ARHGAP22: variants seen among roughly 807,000 people sequenced by gnomAD.
ARHGAP22 encodes the protein rho GTPase-activating protein 22.
A neutral mutation model predicts 59.1 loss-of-function variants in ARHGAP22; 48 were observed. That is an observed-to-expected ratio of 0.81 (90% CI 0.64 to 1.03). ARHGAP22 has a LOEUF of 1.03. Ranked by LOEUF, ARHGAP22 falls within the 50% of genes least tolerant of loss-of-function variation. The pLI is 0.00. For missense variants in ARHGAP22, 1,015 were observed against 958.7 expected (o/e 1.06, Z -0.78); for synonymous variants, 445 against 416.4 (o/e 1.07, Z -0.84).
chr10:48,463,381 C>A (rs1262342852), intron 4 of ARHGAP22, among the ~76,000 whole-genome samples: 1 of 152,170 alleles, frequency 6.6e-6, no homozygotes, highest in East Asian at 1.9e-4. Context: ...CCTCTCAGGA[C>A]CAGAGGCCTC....
intron 3 of ARHGAP22, among the ~76,000 whole-genome samples, chr10:48,532,197 C>T (rs2054912423): frequency 6.6e-6 from 1 of 152,190 alleles, no homozygotes; most frequent in Non-Finnish European, 1.5e-5. Context: ...CAAGATCACA[C>T]AGCTGGTGGG....
chr10:48,439,712 C>G, the ARHGAP22 span, among the ~76,000 whole-genome samples: 4 of 152,162 alleles, frequency 2.6e-5, no homozygotes, highest in Non-Finnish European at 5.9e-5. Flanking sequence ...GAGGTTTTAG[C>G]TTTGACTGTT....
chr10:48,509,228 C>G (rs1465370651), intron 3 of ARHGAP22, among the ~76,000 whole-genome samples: 2 of 152,164 alleles, frequency 1.3e-5, no homozygotes, highest in Non-Finnish European at 2.9e-5. Flanking sequence ...GCTGGCGAGC[C>G]TGGCGCAGGA....
At chr10:48,445,898 G>A (rs566173453), downstream of ARHGAP22, 68 of 161,494 alleles carry the variant, frequency 4.2e-4, no homozygotes, top group African/African-American at 1.5e-3. Flanking sequence ...GGGGCTTCAC[G>A]TCCCACTTCA....
chr10:48,593,811 A>G (rs950924391), intron 1 of ARHGAP22, among the ~76,000 whole-genome samples: 14 of 152,268 alleles, frequency 9.2e-5, no homozygotes, highest in Admixed American at 6.5e-4. Context: ...AAAAGGAAAG[A>G]AAAACAAAAA....
intron 2 of ARHGAP22, among the ~76,000 whole-genome samples, chr10:48,557,451 A>G (rs933138481): frequency 6.6e-5 from 10 of 152,064 alleles, no homozygotes; most frequent in African/African-American, 2.4e-4. Flanking sequence ...TCTTTGCCTA[A>G]ATTACTGGAT....
At chr10:48,512,139 AC>A (rs912426774) in intron 3 of ARHGAP22, among the ~76,000 whole-genome samples, 1 of 152,270 alleles carries the variant, frequency 6.6e-6, no homozygotes, top group African/African-American at 2.4e-5. Flanking sequence ...AACTGGATTG[AC>A]TAGGGGATGT....
intron 2 of ARHGAP22, among the ~76,000 whole-genome samples, chr10:48,576,251 A>G (rs2058704929): frequency 6.6e-6 from 1 of 152,172 alleles, no homozygotes; most frequent in Admixed American, 6.5e-5. Context: ...AAGAACCTCC[A>G]ATATGCCAGG....
chr10:48,457,523 G>A (rs2046664556), intron 5 of ARHGAP22, among the ~76,000 whole-genome samples: 1 of 152,204 alleles, frequency 6.6e-6, no homozygotes, highest in South Asian at 2.1e-4. Context: ...TCAAAGGATA[G>A]CAGCTGAGGG....
chr10:48,600,681 G>T (rs2060328743), intron 1 of ARHGAP22, among the ~76,000 whole-genome samples: 1 of 152,140 alleles, frequency 6.6e-6, no homozygotes. Context: ...TGATCTGAGG[G>T]CCTCTGCAAC....
chr10:48,509,724 C>T (rs1447936740), intron 3 of ARHGAP22, among the ~76,000 whole-genome samples: 1 of 152,144 alleles, frequency 6.6e-6, no homozygotes, highest in Non-Finnish European at 1.5e-5. Flanking sequence ...AAAGGAGAGG[C>T]TCTCTGAATA....
In ARHGAP22 at chr10:48,583,155, GA is replaced by G; in HGVS notation, c.35-4del. 6.2e-7 allele frequency: 1 copy of G among 1,613,168 alleles called. No individual in the cohort carries two copies. Reference sequence around the variant, plus strand: ...CATCACTAGGCTTTTGGAGCGGGCTGAAAGCCAAGGACACACAGAGTGAGCA... The same window carrying G: ...CATCACTAGGCTTTTGGAGCGGGCTGAAGCCAAGGACACACAGAGTGAGCA... On this transcript the variant is annotated splice_region_variant and splice_polypyrimidine_tract_variant and intron_variant, in intron 1 of 9. Coordinates refer to ENST00000249601, the MANE Select transcript of ARHGAP22 (RefSeq NM_021226.4).
chr10:48,501,095 G>A (rs1281658476), intron 3 of ARHGAP22, among the ~76,000 whole-genome samples: 1 of 152,134 alleles, frequency 6.6e-6, no homozygotes, highest in African/African-American at 2.4e-5. Context: ...ATGGCAAAAG[G>A]AGAGGGCCCA....
At chr10:48,512,632 C>T (rs1026831526) in intron 3 of ARHGAP22, among the ~76,000 whole-genome samples, 2 of 152,156 alleles carry the variant, frequency 1.3e-5, no homozygotes, top group African/African-American at 4.8e-5. Context: ...TTAACTCTTC[C>T]CTTAACACAA....
upstream of ARHGAP22, among the ~76,000 whole-genome samples, chr10:48,653,704 G>T (rs1429609894): frequency 6.6e-6 from 1 of 152,242 alleles, no homozygotes; most frequent in African/African-American, 2.4e-5. Context: ...GCTGATAAGA[G>T]CCCACAGGTA....
At chr10:48,576,901 A>C (rs543764416) in intron 2 of ARHGAP22, among the ~76,000 whole-genome samples, 90 of 135,688 alleles carry the variant, frequency 6.6e-4, no homozygotes, top group African/African-American at 1.8e-3. Context: ...CCACTCACCC[A>C]TCCCTCCCCA....
chr10:48,573,287 TC>T (rs1052215881), intron 2 of ARHGAP22, among the ~76,000 whole-genome samples: 16 of 152,182 alleles, frequency 1.1e-4, no homozygotes, highest in Non-Finnish European at 1.8e-4. Context: ...CTCACCATAG[TC>T]CTATAAGATA....
rs1342087980 is a variant in ARHGAP22, at chr10:48,576,776, T to TA, written c.234+6176dup. ...TTCTTTTCTATCTTTCTCCTTTTTT[T>TA]AAGATATTTATTTCTAATTAGTATG... is the stretch of plus-strand genomic sequence containing the variant. On this transcript the variant is annotated intron_variant, in intron 2 of 9. Coordinates refer to ENST00000249601, the MANE Select transcript of ARHGAP22 (RefSeq NM_021226.4). 2.0e-5 allele frequency among the ~76,000 whole-genome samples: 3 copies of TA among 151,910 alleles called. No individual in the cohort carries two copies. In the East Asian group the frequency reaches 5.8e-4, roughly 29 times the overall value.
chr10:48,459,596 C>G, intron 5 of ARHGAP22, 88 bp downstream of exon 5: 1 of 1,474,660 alleles, frequency 6.8e-7, no homozygotes, highest in Non-Finnish European at 9.4e-7. Flanking sequence ...CTAGCCCACC[C>G]CTGCCCACTG....
Sources: gnomAD v4.1 joint callset for allele counts (sites outside exome capture counted in the v4.1 genomes callset) on GRCh38, gnomAD v4.1.1 for gene constraint, MANE v1.5 for transcripts, NCBI Gene and HGNC (gene_info 2026-07-23, HGNC 2026-07-21) for gene names.